DNAH5: variants seen among roughly 807,000 people sequenced by gnomAD.
DNAH5 encodes axonemal beta dynein heavy chain 5.
Under a neutral mutation model 518.2 loss-of-function variants are expected in DNAH5, and 372 were observed. That is an observed-to-expected ratio of 0.72 (90% CI 0.66 to 0.78). The LOEUF (loss-of-function observed/expected upper bound fraction) is 0.78. Ranked by LOEUF, DNAH5 falls within the 30% of genes least tolerant of loss-of-function variation. DNAH5 has a pLI of 0.00. For synonymous variants in DNAH5, 2,039 were observed against 2,025.9 expected (o/e 1.01, Z -0.17); for missense variants, 5,523 against 5,687.0 (o/e 0.97, Z 0.93).
chr5:13,861,033 C>T (rs967892397), intron 29 of DNAH5, among the ~76,000 whole-genome samples: 2 of 152,106 alleles, frequency 1.3e-5, no homozygotes, highest in African/African-American at 4.8e-5. Context: ...CTACCCACAG[C>T]GCCTAGAAGA....
At position 13,965,174 on chromosome 5, in the gene DNAH5, C is replaced by A. The variant is rs1316288057; in HGVS notation, c.13-33930G>T. Among the ~76,000 whole-genome samples, 8 of 152,080 alleles carry A rather than the reference C, an allele frequency of 5.3e-5. No homozygotes were observed. In the East Asian group the frequency reaches 1.2e-3, roughly 22 times the overall value. On this transcript the variant is annotated intron_variant, in intron 1 of 78. Coordinates refer to the DNAH5 transcript ENST00000681290. ...TCTCTCCCATTCTACCAGAATGAGC[C>A]CCTCAAGTGTTTATTATTGAGAGGG...
At chr5:13,871,515 G>C in intron 23 of DNAH5, 49 bp downstream of exon 23, 2 of 1,490,868 alleles carry the variant, frequency 1.3e-6, no homozygotes, top group Non-Finnish European at 1.9e-6. Context: ...TAAAGAGGCA[G>C]AACAATAATG....
At chr5:13,879,323 C>T (rs571104690) in intron 21 of DNAH5, among the ~76,000 whole-genome samples, 5 of 152,144 alleles carry the variant, frequency 3.3e-5, no homozygotes, top group Admixed American at 6.5e-5. Context: ...GATGAAGTTA[C>T]ATCCCAATAA....
At chr5:13,894,898 A>T (rs2151953779) in intron 15 of DNAH5, 77 bp from the exon 16 acceptor site, 1 of 1,522,322 alleles carries the variant, frequency 6.6e-7, no homozygotes, top group African/African-American at 1.4e-5. Flanking sequence ...TCTTATACAA[A>T]ATGACTACTT....
chr5:13,708,889 G>C (rs1257302186), intron 75 of DNAH5, among the ~76,000 whole-genome samples: 1 of 152,160 alleles, frequency 6.6e-6, no homozygotes, highest in Non-Finnish European at 1.5e-5. Context: ...ACCTAAGGTA[G>C]CACTGACAAA....
chr5:13,860,805 C>T (rs905736338), intron 29 of DNAH5, among the ~76,000 whole-genome samples: 1 of 152,178 alleles, frequency 6.6e-6, no homozygotes, highest in Non-Finnish European at 1.5e-5. Flanking sequence ...ATACAGCCTA[C>T]CTTTGTGTCT....
chr5:13,930,158 T>G (rs1230219165), intron 2 of DNAH5, among the ~76,000 whole-genome samples: 6 of 152,076 alleles, frequency 3.9e-5, no homozygotes, highest in African/African-American at 1.4e-4. Context: ...GTTCCCCAAC[T>G]CCTACTAACC....
chr5:13,776,371 A>G, intron 55 of DNAH5, 68 bp downstream of exon 55: 1 of 1,602,092 alleles, frequency 6.2e-7, no homozygotes. Flanking sequence ...AGAGCCTTCA[A>G]GCATCCCTGA....
chr5:13,933,561 C>T (rs540759332), intron 1 of DNAH5, among the ~76,000 whole-genome samples: 98 of 152,104 alleles, frequency 6.4e-4, no homozygotes, highest in Middle Eastern at 6.8e-3. Flanking sequence ...GAGGCCAAGG[C>T]GGGTGGATCA....
intron 21 of DNAH5, among the ~76,000 whole-genome samples, chr5:13,878,316 T>C (rs1771173865): frequency 6.6e-6 from 1 of 152,108 alleles, no homozygotes; most frequent in South Asian, 2.1e-4. Flanking sequence ...GAAAGGAAGT[T>C]TCAATGGACA....
At chr5:13,776,066 TGGTCCATGGCATGGAAGATCAGAAA>T (rs1367782598) in intron 55 of DNAH5, among the ~76,000 whole-genome samples, 5 of 151,756 alleles carry the variant, frequency 3.3e-5, no homozygotes, top group Admixed American at 3.3e-4. Flanking sequence ...GAAGCACTAA[TGGTCCATGGCATGGAAGATCAGAAA>T]GAAGCAGAAG....
chr5:13,778,861 C>T (rs191281695), intron 53 of DNAH5, among the ~76,000 whole-genome samples: 4 of 152,190 alleles, frequency 2.6e-5, no homozygotes, highest in East Asian at 3.9e-4. Flanking sequence ...CCTGGCCCTT[C>T]GTCTCATCAG....
At chr5:13,796,066 A>G (rs1488195887) in intron 47 of DNAH5, among the ~76,000 whole-genome samples, 1 of 152,262 alleles carries the variant, frequency 6.6e-6, no homozygotes, top group African/African-American at 2.4e-5. Flanking sequence ...AATAAGAGCT[A>G]TGTATGACAA....
chr5:13,930,402 A>C (rs1778305672), intron 2 of DNAH5, among the ~76,000 whole-genome samples: 1 of 152,180 alleles, frequency 6.6e-6, no homozygotes, highest in Non-Finnish European at 1.5e-5. Context: ...CCAGTTGTTA[A>C]AATTTACAAG....
intron 52 of DNAH5, among the ~76,000 whole-genome samples, chr5:13,784,758 A>G (rs1400264771): frequency 6.6e-6 from 1 of 152,222 alleles, no homozygotes; most frequent in Non-Finnish European, 1.5e-5. Flanking sequence ...AAAGTAGTTG[A>G]TATCAACTAA....
At chr5:13,804,637 T>C (rs1342316172) in intron 47 of DNAH5, among the ~76,000 whole-genome samples, 1 of 152,218 alleles carries the variant, frequency 6.6e-6, no homozygotes, top group African/African-American at 2.4e-5. Flanking sequence ...ACAGAGTGGA[T>C]GATCCTGTGA....
chr5:13,890,406 C>CAA lies in DNAH5; in HGVS notation c.2577+568_2577+569dup, dbSNP rs35655538. 6.4e-3 allele frequency among the ~76,000 whole-genome samples: 871 copies of CAA among 136,868 alleles called. 5 individuals are homozygous for CAA. The highest frequency in any genetic ancestry group is 0.019 in the African/African-American group (693 of 36,424). The allele number at this position is 136,868 out of a possible 152,430, so 89.8% of individuals were successfully genotyped here. On this transcript the variant is annotated intron_variant, in intron 17 of 78. Transcript: ENST00000265104. ...TGGGCAACAGAGCAAGACTCCATCTCAAAAAAAAAAAAAAAGGTTAAATGG... is the reference window on the plus strand; with the variant it reads ...TGGGCAACAGAGCAAGACTCCATCTCAAAAAAAAAAAAAAAAAGGTTAAATGG...
At position 13,900,235 on chromosome 5, in the gene DNAH5, T is replaced by C; in HGVS notation, c.2230A>G (p.Arg744Gly). ...LATSLFQKRD[R>G]YKRNFSNMKM... ...ATGTTACTGAAGTTCCTTTTGTATC[T>C]ATCTCGTTTCTGGAAGAGGGAAGTT... The change falls in exon 15 of 79, where the codon AGA (arginine) becomes GGA (glycine). Residue 744 changes from arginine (R) to glycine (G), a missense_variant. Arg to Gly is a moderately radical substitution (Grantham distance 125). Around this residue, in one of 3 missense-constraint regions of DNAH5, gnomAD observed 5,121 missense variants for 5,223.3 expected, o/e 0.98. Transcript: ENST00000265104. The C allele has an allele frequency of 1.2e-6, 2 of 1,614,122 alleles. No individual in the cohort carries two copies. The highest frequency in any genetic ancestry group is 1.1e-5 in the South Asian group (1 of 91,078).
At chr5:13,963,627 T>A (rs962653291) in intron 1 of DNAH5, among the ~76,000 whole-genome samples, 1 of 150,688 alleles carries the variant, frequency 6.6e-6, no homozygotes, top group Non-Finnish European at 1.5e-5. Context: ...TGTTTTTTCC[T>A]ACACATAAGA....
Sources: gnomAD v4.1 joint callset for allele counts (sites outside exome capture counted in the v4.1 genomes callset) on GRCh38, gnomAD v4.1.1 for gene constraint, gnomAD v4.1.1 regional missense constraint, MANE v1.5 for transcripts, NCBI Gene and HGNC (gene_info 2026-07-23, HGNC 2026-07-21) for gene names.